The following VSTM2B variants were observed in gnomAD, a reference collection of about 807,000 sequenced individuals.
VSTM2B encodes the protein V-set and transmembrane domain-containing protein 2B.
In VSTM2B, 24 loss-of-function variants were observed where a neutral mutation model predicts 24.0. The ratio of observed to expected loss-of-function variants is 1.00; its 90% confidence interval spans 0.72 to 1.40. The LOEUF (loss-of-function observed/expected upper bound fraction) is 1.40, where lower values mean the gene tolerates loss of function less well. Ranked by LOEUF, VSTM2B falls within the 40% of genes most tolerant of loss-of-function variation. The probability of loss-of-function intolerance (pLI) is 0.00; values close to 1 mark genes in which losing one functional copy is unlikely to be tolerated. For synonymous variants in VSTM2B, 226 were observed against 194.4 expected, an observed-to-expected ratio of 1.16 and a Z score of -1.35; for missense variants, 399 against 416.4, an observed-to-expected ratio of 0.96 and a Z score of 0.36.
intron 4 of VSTM2B, among the ~76,000 whole-genome samples, chr19:29,553,845 G>A (rs1970343635): frequency 6.6e-6 from 1 of 152,174 alleles, no homozygotes; most frequent in Non-Finnish European, 1.5e-5. Flanking sequence ...CTATCTCACT[G>A]AAATAAGACC....
intron 4 of VSTM2B, among the ~76,000 whole-genome samples, chr19:29,549,110 T>G (rs952331748): frequency 5.3e-5 from 8 of 152,226 alleles, no homozygotes; most frequent in Non-Finnish European, 1.2e-4. Flanking sequence ...TCTCTGCTTT[T>G]ATGTAGAAGT....
At chr19:29,541,633 G>A (rs1970020148) in intron 4 of VSTM2B, among the ~76,000 whole-genome samples, 1 of 152,114 alleles carries the variant, frequency 6.6e-6, no homozygotes, top group Non-Finnish European at 1.5e-5. Flanking sequence ...GACAGAAAAT[G>A]AGTGGATGGG....
In VSTM2B at chr19:29,530,301, G is replaced by T; in HGVS notation, c.769+11G>T. ...AGAGGCACGGCTCGGGTAAGGGATC[G>T]CGGAGAGGGGGCGCACGCGCGGGGA... On this transcript the variant is annotated intron_variant, in intron 4 of 4. Coordinates refer to ENST00000335523, the MANE Select transcript of VSTM2B (RefSeq NM_001146339.2). 2.0e-6 allele frequency: 3 copies of T among 1,488,222 alleles called. No individual in the cohort carries two copies. The highest frequency in any genetic ancestry group is 2.7e-6 in the Non-Finnish European group (3 of 1,127,508). The allele number at this position is 1,488,222 out of a possible 1,614,324, so 92.2% of individuals were successfully genotyped here.
At chr19:29,525,445 G>C (rs909453644), upstream of VSTM2B, 1 of 150,788 alleles carries the variant, frequency 6.6e-6, no homozygotes, top group Non-Finnish European at 1.5e-5. Flanking sequence ...GCTGGCTAGC[G>C]TGTGCGCTCT....
chr19:29,547,538 C>T (rs1453624084), intron 4 of VSTM2B, among the ~76,000 whole-genome samples: 1 of 152,162 alleles, frequency 6.6e-6, no homozygotes, highest in East Asian at 1.9e-4. Context: ...CAGGCAATTG[C>T]CATGTCCTGG....
At chr19:29,529,790 G>T in intron 3 of VSTM2B, 29 bp from the exon 4 acceptor site, 10 of 1,543,762 alleles carry the variant, frequency 6.5e-6, no homozygotes, top group Non-Finnish European at 8.7e-6. Flanking sequence ...GAGCTGCCCA[G>T]CCCGGCCTCT....
At chr19:29,550,503 T>C (rs1970253667) in intron 4 of VSTM2B, among the ~76,000 whole-genome samples, 1 of 152,102 alleles carries the variant, frequency 6.6e-6, no homozygotes, top group Non-Finnish European at 1.5e-5. Flanking sequence ...CTTGATCTGC[T>C]TGACACAGAG....
chr19:29,541,559 GATGAATGGATGGGATA>G (rs1306103631), intron 4 of VSTM2B, among the ~76,000 whole-genome samples: 1 of 151,972 alleles, frequency 6.6e-6, no homozygotes, highest in Admixed American at 6.6e-5. Flanking sequence ...TGGAAGGAAG[GATGAATGGATGGGATA>G]ATGAATGGAT....
At chr19:29,529,054 A>G (rs1969659586) in intron 3 of VSTM2B, 2 of 985,318 alleles carry the variant, frequency 2.0e-6, no homozygotes. Flanking sequence ...GAGCGTAGAA[A>G]GGCCTGGAGA....
At chr19:29,560,038 T>G (rs1970492196) in intron 4 of VSTM2B, among the ~76,000 whole-genome samples, 1 of 152,188 alleles carries the variant, frequency 6.6e-6, no homozygotes. Flanking sequence ...CTAGGACATC[T>G]CATGGCTCTT....
intron 4 of VSTM2B, among the ~76,000 whole-genome samples, chr19:29,561,566 A>G (rs146549188): frequency 0.011 from 1,739 of 152,298 alleles, 31 homozygotes; most frequent in African/African-American, 0.038. Flanking sequence ...TGGAGTTTGC[A>G]GTGAGCTGAG....
chr19:29,562,094 T>C (rs1277323034), intron 4 of VSTM2B, among the ~76,000 whole-genome samples: 1 of 152,202 alleles, frequency 6.6e-6, no homozygotes, highest in Non-Finnish European at 1.5e-5. Context: ...GCCCCTCGGA[T>C]AGCACCACCC....
chr19:29,542,913 G>A (rs1284592594), intron 4 of VSTM2B, among the ~76,000 whole-genome samples: 2 of 152,148 alleles, frequency 1.3e-5, no homozygotes, highest in Admixed American at 1.3e-4. Context: ...AGAATTCCAT[G>A]CCATTCCATG....
rs530889741 is a variant in VSTM2B at position 29,526,528 on chromosome 19, G to T, written c.-56G>T. 2 of 1,405,906 alleles carry T rather than the reference G, an allele frequency of 1.4e-6. No homozygotes were observed. The highest frequency in any genetic ancestry group is 2.6e-5 in the South Asian group (2 of 75,526). The allele number at this position is 1,405,906 out of a possible 1,614,324, so 87.1% of individuals were successfully genotyped here. On this transcript the variant is annotated 5_prime_UTR_variant, in exon 1 of 5. Transcript: ENST00000335523. This position sits in a 1 kb window ranked among gnomAD's most constrained non-coding sequence, Gnocchi z 4.1. ...CGAGCCGGAGCCGATCCGAGCCCAC[G>T]CGGCCGCCGCCTCTCCGCTCCCGGG... is the stretch of plus-strand genomic sequence containing the variant.
At chr19:29,529,747 C>A in intron 3 of VSTM2B, 72 bp from the exon 4 acceptor site, 1 of 1,439,614 alleles carries the variant, frequency 6.9e-7, no homozygotes, top group Admixed American at 2.2e-5. Flanking sequence ...TGAGGGGGCG[C>A]GACGGCCAGG....
Position 29,527,338 on chromosome 19 carries a change from G to A in VSTM2B, c.210G>A (p.Glu70=). The change falls in exon 2 of 5, where the codon GAG becomes GAA. Residue 70 remains glutamate (E), a synonymous_variant. Transcript: ENST00000335523. ...AGATTCAGTGGTGGTACCTCAAGGA[G>A]CCACCCCGGGAGCTGCTGCACGAGC... ...SLEIQWWYLK[E]PPRELLHELA... 6.5e-7 allele frequency: 1 copy of A among 1,548,770 alleles called. No individual in the cohort carries two copies. Among genetic ancestry groups the A allele is most frequent in the African/African-American group, 1.4e-5 (1 of 72,966 alleles).
intron 4 of VSTM2B, among the ~76,000 whole-genome samples, chr19:29,534,873 T>A (rs1376888123): frequency 6.6e-6 from 1 of 152,164 alleles, no homozygotes; most frequent in Non-Finnish European, 1.5e-5. Context: ...AAAAAGTCCC[T>A]ATTTTTTAAG....
At chr19:29,555,690 A>G (rs1222962166) in intron 4 of VSTM2B, among the ~76,000 whole-genome samples, 3 of 152,084 alleles carry the variant, frequency 2.0e-5, no homozygotes, top group Admixed American at 6.6e-5. Flanking sequence ...AAGAGAAAGA[A>G]GAATGAAATA....
chr19:29,555,146 A>T (rs1402577407), intron 4 of VSTM2B, among the ~76,000 whole-genome samples: 1 of 152,232 alleles, frequency 6.6e-6, no homozygotes, highest in Non-Finnish European at 1.5e-5. Flanking sequence ...TCTAAAATCG[A>T]TCACAAAATT....
Sources: allele counts gnomAD v4.1 joint callset (sites outside exome capture counted in the v4.1 genomes callset), GRCh38; gene constraint gnomAD v4.1.1; non-coding constraint Gnocchi (gnomAD v3.1); transcripts MANE v1.5; gene names NCBI Gene and HGNC (gene_info 2026-07-23, HGNC 2026-07-21).